HFM1: variants seen among roughly 807,000 people sequenced by gnomAD.
The protein encoded by HFM1 is helicase for meiosis 1.
Under a neutral mutation model 192.1 loss-of-function variants are expected in HFM1, and 169 were observed. That is an observed-to-expected ratio of 0.88 (90% CI 0.78 to 1.00). The LOEUF is 1.00. Ranked by LOEUF, HFM1 falls within the 50% of genes least tolerant of loss-of-function variation. HFM1 has a pLI of 0.00. For missense variants in HFM1, 1,661 were observed against 1,668.0 expected, an observed-to-expected ratio of 1.00 and a Z score of 0.07; for synonymous variants, 525 against 537.8, an observed-to-expected ratio of 0.98 and a Z score of 0.33.
intron 13 of HFM1, among the ~76,000 whole-genome samples, chr1:91,360,023 C>T (rs1658286489): frequency 6.6e-6 from 1 of 152,156 alleles, no homozygotes; most frequent in Non-Finnish European, 1.5e-5. Context: ...CCAAACAAAG[C>T]TTCATAAGCA....
At chr1:91,306,651 T>C (rs1233628273) in intron 30 of HFM1, among the ~76,000 whole-genome samples, 1 of 152,188 alleles carries the variant, frequency 6.6e-6, no homozygotes, top group Admixed American at 6.5e-5. Flanking sequence ...ATAATTTCCC[T>C]TTCTTTTTAA....
At chr1:91,329,359 TGAGTAA>T in intron 20 of HFM1, 1 of 1,599,296 alleles carries the variant, frequency 6.3e-7, no homozygotes, top group Non-Finnish European at 8.5e-7. Context: ...GTCAAGAGGC[TGAGTAA>T]GAGTCATTAA....
upstream of HFM1, chr1:91,404,861 A>T: frequency 2.2e-6 from 1 of 455,386 alleles, no homozygotes; most frequent in Non-Finnish European, 4.4e-6. Context: ...AGGACCGCCA[A>T]GCCTGGCTAA....
At position 91,394,362 on chromosome 1, in the gene HFM1, C is replaced by G. The variant is rs1219264049; in HGVS notation, c.225G>C (p.Lys75Asn). The G allele has an allele frequency of 6.4e-7, 1 of 1,561,440 alleles. No homozygotes were observed. Among genetic ancestry groups the G allele is most frequent in the South Asian group, 1.2e-5 (1 of 86,762 alleles). ...KRPKMLTSNL[K>N]ITNEDTNYIS... ...TATAATTTGTATCTTCATTAGTTAT[C>G]TTTAAATTTGATGTTAACATTTTTG... The change falls in exon 4 of 39, where the codon AAG (lysine) becomes AAC (asparagine). Residue 75 changes from lysine (K) to asparagine (N), a missense_variant. By Grantham distance (94) the Lys-to-Asn change is moderately conservative. Transcript: ENST00000370425.
intron 30 of HFM1, among the ~76,000 whole-genome samples, chr1:91,293,700 T>A (rs1446843705): frequency 1.3e-5 from 2 of 151,854 alleles, no homozygotes; most frequent in Non-Finnish European, 2.9e-5. Flanking sequence ...CCTTACTAGG[T>A]ATATACCCAA....
At position 91,264,361 on chromosome 1, in the gene HFM1, A is replaced by ATTTTTTT. The variant is rs71087940; in HGVS notation, c.3974+1649_3974+1655dup. Among the ~76,000 whole-genome samples, 456 of 57,076 alleles carry ATTTTTTT rather than the reference A, an allele frequency of 8.0e-3. 87 individuals are homozygous for ATTTTTTT. The highest frequency in any genetic ancestry group is 0.037 in the East Asian group (69 of 1,870). 37.4% of individuals were successfully genotyped at this position (57,076 alleles called of 152,430 possible). A position where few individuals can be genotyped will look rare whatever the true frequency, so the allele number is the denominator to read the frequency against. On this transcript the variant is annotated intron_variant, in intron 36 of 38. Transcript: ENST00000370425. ...TTCCAAGGGATACCACAAATTTAGT[A>ATTTTTTT]TTTTTTTTTTTTTTTTTTTTTTTTT...
At chr1:91,308,900 G>A (rs1200151628) in intron 30 of HFM1, among the ~76,000 whole-genome samples, 2 of 152,032 alleles carry the variant, frequency 1.3e-5, no homozygotes, top group Admixed American at 6.6e-5. Context: ...GGTCTACCTA[G>A]CCTTTTTATT....
chr1:91,359,255 T>C lies in HFM1; in HGVS notation c.1686-5956A>G, dbSNP rs12758689. 2.0e-3 allele frequency among the ~76,000 whole-genome samples: 301 copies of C among 152,206 alleles called. 2 individuals are homozygous for C. The highest frequency in any genetic ancestry group is 3.4e-3 in the Non-Finnish European group (233 of 67,992). On this transcript the variant is annotated intron_variant, in intron 13 of 38. Coordinates refer to ENST00000370425, the MANE Select transcript of HFM1 (RefSeq NM_001017975.6). ...CTAAGAACTGGGCTGGAGGCTGAGA[T>C]GGCTGAATCGACAGAAGTAGGCTAC...
chr1:91,345,809 G>A (rs958350941), intron 19 of HFM1, among the ~76,000 whole-genome samples: 7 of 152,086 alleles, frequency 4.6e-5, no homozygotes, highest in South Asian at 4.2e-4. Flanking sequence ...TCTCATGCCC[G>A]AGAAGAAAGA....
intron 20 of HFM1, among the ~76,000 whole-genome samples, chr1:91,339,301 G>A (rs1655020442): frequency 6.6e-6 from 1 of 151,842 alleles, no homozygotes; most frequent in Non-Finnish European, 1.5e-5. Flanking sequence ...GGCTGAAATG[G>A]CTGAAATGTC....
chr1:91,350,610 G>A (rs1311692707), intron 18 of HFM1, 128 bp downstream of exon 18: 30 of 718,328 alleles, frequency 4.2e-5, no homozygotes, highest in South Asian at 3.1e-4. Context: ...ATGTATTTGG[G>A]ACTGTTGTTA....
chr1:91,328,500 T>G, intron 20 of HFM1: 3 of 1,613,554 alleles, frequency 1.9e-6, no homozygotes, highest in Admixed American at 1.7e-5. Context: ...TGAGCACTTA[T>G]CAGTTCCTGA....
intron 30 of HFM1, among the ~76,000 whole-genome samples, chr1:91,291,430 G>A (rs894366016): frequency 1.9e-4 from 29 of 152,078 alleles, no homozygotes; most frequent in African/African-American, 4.3e-4. Context: ...ACACCTCTAC[G>A]CAAATAAACT....
chr1:91,310,734 T>C (rs1463984739), intron 30 of HFM1, among the ~76,000 whole-genome samples: 1 of 152,188 alleles, frequency 6.6e-6, no homozygotes, highest in Non-Finnish European at 1.5e-5. Context: ...GTTTCTGCTT[T>C]TGCTTCTTCC....
At chr1:91,368,771 G>T (rs1032565422) in intron 13 of HFM1, among the ~76,000 whole-genome samples, 2 of 152,084 alleles carry the variant, frequency 1.3e-5, no homozygotes, top group Non-Finnish European at 2.9e-5. Flanking sequence ...CTGTAAATGG[G>T]CTAAATGCTC....
At chr1:91,390,732 A>C (rs1348046679) in intron 4 of HFM1, among the ~76,000 whole-genome samples, 1 of 152,176 alleles carries the variant, frequency 6.6e-6, no homozygotes, top group Non-Finnish European at 1.5e-5. Context: ...CCTATTCAAC[A>C]TAGTGTTGGA....
chr1:91,385,628 C>A lies in HFM1; in HGVS notation c.701G>T (p.Gly234Val), dbSNP rs143418583. The change falls in exon 5 of 39, where the codon GGC becomes GTC. Residue 234 changes from glycine (G) to valine (V), a missense_variant. Gly to Val is a moderately radical substitution (Grantham distance 109, BLOSUM62 -3). Coordinates refer to ENST00000370425, the MANE Select transcript of HFM1 (RefSeq NM_001017975.6). ...TGAAAAAGATGGTGCTTTGAACATG[C>A]CTTCTCCGATTTCAGAAGCAGAAAA... ...NAFSASEIGE[G>V]MFKAPSFSVA... The A allele has an allele frequency of 4.3e-6, 7 of 1,613,118 alleles. No individual in the cohort carries two copies. The highest frequency in any genetic ancestry group is 1.1e-5 in the South Asian group (1 of 91,056).
intron 20 of HFM1, chr1:91,329,019 T>C: frequency 1.2e-6 from 2 of 1,612,240 alleles, no homozygotes; most frequent in Non-Finnish European, 1.7e-6. Context: ...AGCTGGATTC[T>C]GCAGGAGCTA....
rs139112267 is a variant in HFM1 at position 91,392,784 on chromosome 1, G to C, written c.494+1309C>G. Among the ~76,000 whole-genome samples, 1,365 of 152,116 alleles carry C rather than the reference G, an allele frequency of 9.0e-3. 14 individuals are homozygous for C. Among genetic ancestry groups the C allele is most frequent in the African/African-American group, 0.031 (1,306 of 41,514 alleles). ...AAAATATTCACCTCCAAAAAAAAATGTTACGTTAAGTGAAAGAAGCCAGGC... is the reference window on the plus strand; with the variant it reads ...AAAATATTCACCTCCAAAAAAAAATCTTACGTTAAGTGAAAGAAGCCAGGC... On this transcript the variant is annotated intron_variant, in intron 4 of 38. Coordinates refer to ENST00000370425, the MANE Select transcript of HFM1 (RefSeq NM_001017975.6).
Sources: gnomAD v4.1 joint callset for allele counts (sites outside exome capture counted in the v4.1 genomes callset) on GRCh38, gnomAD v4.1.1 for gene constraint, MANE v1.5 for transcripts, NCBI Gene and HGNC (gene_info 2026-07-23, HGNC 2026-07-21) for gene names.